UBR1: variants seen among roughly 807,000 people sequenced by gnomAD.
The protein encoded by UBR1 is E3 ubiquitin-protein ligase UBR1.
Under a neutral mutation model 242.1 loss-of-function variants are expected in UBR1, and 102 were observed. The ratio of observed to expected loss-of-function variants is 0.42; its 90% confidence interval spans 0.36 to 0.50. UBR1 has a LOEUF of 0.50. Among genes scored for constraint, UBR1 ranks in the 20% least tolerant of loss-of-function variants. The pLI, the probability that UBR1 is intolerant of heterozygous loss-of-function variation, is 0.01. For missense variants in UBR1, 1,772 were observed against 2,101.8 expected (o/e 0.84, Z 3.07); for synonymous variants, 675 against 684.8 (o/e 0.99, Z 0.22).
chr15:43,007,229 A>G lies in UBR1; in HGVS notation c.3265T>C (p.Ser1089Pro), dbSNP rs761442343. ...RIALGPKRGPSVTEKEVLTCI... is the reference protein window; with the variant it reads ...RIALGPKRGPPVTEKEVLTCI... Reference sequence around the variant, plus strand: ...GTCAGCACCTCCTTTTCAGTAACAGATGGACCCCGTTTAGGACCCAAAGCA... The same window carrying G: ...GTCAGCACCTCCTTTTCAGTAACAGGTGGACCCCGTTTAGGACCCAAAGCA... The change falls in exon 30 of 47, where the codon TCT (serine) becomes CCT (proline). Residue 1089 changes from serine (S) to proline (P), a missense_variant. Ser to Pro is a moderately conservative substitution (Grantham distance 74). This residue lies in a region of UBR1 where 965 missense variants were observed against 1,079.7 expected (regional missense o/e 0.89). Transcript: ENST00000290650. 7 of 1,614,104 alleles carry G rather than the reference A, an allele frequency of 4.3e-6. No individual in the cohort carries two copies. The East Asian group carries it at 1.3e-4, about 31-fold the overall frequency.
chr15:42,953,017 C>T (rs973887601), intron 44 of UBR1, among the ~76,000 whole-genome samples: 8 of 151,856 alleles, frequency 5.3e-5, no homozygotes, highest in South Asian at 2.1e-4. Context: ...TCGGCCTCCC[C>T]GGTCCAAGCA....
chr15:43,066,554 G>A (rs192445920), intron 6 of UBR1, among the ~76,000 whole-genome samples: 5 of 152,320 alleles, frequency 3.3e-5, no homozygotes, highest in Admixed American at 2.6e-4. Flanking sequence ...ACTTTGGGCA[G>A]TATGGTCGTT....
At chr15:43,013,987 T>G (rs1036810337) in intron 29 of UBR1, among the ~76,000 whole-genome samples, 20 of 152,130 alleles carry the variant, frequency 1.3e-4, no homozygotes, top group African/African-American at 4.6e-4. Context: ...CCCCGCCTGA[T>G]TCTCCTGCCT....
At position 43,086,061 on chromosome 15, in the gene UBR1, T is replaced by A. The variant is rs752458307; in HGVS notation, c.261A>T (p.Leu87Phe). 1 of 1,614,180 alleles carries A rather than the reference T, an allele frequency of 6.2e-7. No homozygotes were observed. The highest frequency in any genetic ancestry group is 8.5e-7 in the Non-Finnish European group (1 of 1,180,026). Residue 87 changes from leucine to phenylalanine, a missense_variant, in exon 2 of 47, where the codon TTA becomes TTT. Coordinates refer to ENST00000290650, the MANE Select transcript of UBR1 (RefSeq NM_174916.3). ...ATGCTCCACTGTGCTTCAATTTCTCTAAGCAAATATCTGGATCTTCTCCAA... is the reference window on the plus strand; with the variant it reads ...ATGCTCCACTGTGCTTCAATTTCTCAAAGCAAATATCTGGATCTTCTCCAA... ...YLFGEDPDIC[L>F]EKLKHSGAFQ...
At chr15:43,029,167 T>C (rs1048269982) in intron 21 of UBR1, among the ~76,000 whole-genome samples, 6 of 150,728 alleles carry the variant, frequency 4.0e-5, no homozygotes, top group African/African-American at 1.5e-4. Context: ...TGGAAAGCCT[T>C]GACAGCACAA....
chr15:43,080,961 C>T (rs527341423), intron 3 of UBR1, among the ~76,000 whole-genome samples: 162 of 151,932 alleles, frequency 1.1e-3, no homozygotes, highest in Non-Finnish European at 1.5e-3. Context: ...AAAAAAAAAA[C>T]ATTTCGTGTG....
At chr15:42,984,036 T>G in intron 36 of UBR1, 43 bp from the exon 37 acceptor site, 4 of 1,508,500 alleles carry the variant, frequency 2.7e-6, no homozygotes, top group Non-Finnish European at 3.7e-6. Context: ...TGAGGGAAGA[T>G]GAGAGACCTA....
intron 6 of UBR1, among the ~76,000 whole-genome samples, chr15:43,061,531 A>G (rs2141339070): frequency 6.6e-6 from 1 of 150,526 alleles, no homozygotes; most frequent in South Asian, 2.1e-4. Flanking sequence ...ACACACACAC[A>G]CATATACACA....
chr15:43,053,190 T>C (rs2033576784), intron 12 of UBR1, among the ~76,000 whole-genome samples: 1 of 152,164 alleles, frequency 6.6e-6, no homozygotes, highest in Admixed American at 6.5e-5. Flanking sequence ...TCAGAAGATT[T>C]AAAGTTGCCT....
At chr15:43,046,366 G>C (rs1398503397) in intron 14 of UBR1, among the ~76,000 whole-genome samples, 1 of 152,196 alleles carries the variant, frequency 6.6e-6, no homozygotes, top group East Asian at 1.9e-4. Context: ...GGGGTGCAAA[G>C]GCAAGAAAGG....
chr15:43,007,565 T>G (rs1331204255), intron 29 of UBR1, among the ~76,000 whole-genome samples: 1 of 138,624 alleles, frequency 7.2e-6, no homozygotes, highest in African/African-American at 2.5e-5. Flanking sequence ...AAGCTGGGCT[T>G]TTTTTTTTTT....
chr15:43,029,633 C>T (rs1306401396), intron 21 of UBR1, among the ~76,000 whole-genome samples: 1 of 152,164 alleles, frequency 6.6e-6, no homozygotes, highest in Non-Finnish European at 1.5e-5. Flanking sequence ...TAATAAAAAT[C>T]TTAATGTTTT....
chr15:43,045,354 C>G lies in UBR1; in HGVS notation c.1668+1807G>C, dbSNP rs561398351. Among the ~76,000 whole-genome samples the G allele has an allele frequency of 6.6e-5, 10 of 152,156 alleles. No individual in the cohort carries two copies. The East Asian group carries it at 1.9e-3, about 29-fold the overall frequency. ...TGGTGGCATGTGCCTGTAGTCCCAG[C>G]GACTTTGGAGGCTAAGGTGGGAGGA... On this transcript the variant is annotated intron_variant, in intron 14 of 46. Coordinates refer to ENST00000290650, the MANE Select transcript of UBR1 (RefSeq NM_174916.3).
At chr15:43,081,156 C>T (rs1442503228) in intron 3 of UBR1, among the ~76,000 whole-genome samples, 3 of 152,136 alleles carry the variant, frequency 2.0e-5, no homozygotes, top group East Asian at 1.9e-4. Context: ...CGGTGGCTCA[C>T]GCCTGTAATC....
chr15:43,047,343 T>C, intron 13 of UBR1, 54 bp from the exon 14 acceptor site: 1 of 1,613,000 alleles, frequency 6.2e-7, no homozygotes, highest in South Asian at 1.1e-5. Flanking sequence ...CTCTTTGCTC[T>C]GCTCTTGGCA....
intron 37 of UBR1, among the ~76,000 whole-genome samples, chr15:42,982,793 A>G (rs1275346593): frequency 6.6e-6 from 1 of 152,242 alleles, no homozygotes; most frequent in Non-Finnish European, 1.5e-5. Flanking sequence ...TTTAAAGCGT[A>G]AAAAATCTGA....
chr15:43,031,242 T>C (rs2033252885), intron 20 of UBR1, among the ~76,000 whole-genome samples: 2 of 149,700 alleles, frequency 1.3e-5, no homozygotes, highest in African/African-American at 4.9e-5. Context: ...AAGTATTAAC[T>C]AAAAATCAAA....
At chr15:42,961,207 TGTTCCA>T (rs1255023644) in intron 42 of UBR1, among the ~76,000 whole-genome samples, 2 of 149,708 alleles carry the variant, frequency 1.3e-5, no homozygotes, top group African/African-American at 4.9e-5. Context: ...CCATCTCCCG[TGTTCCA>T]GTGATTCTCC....
At chr15:43,029,834 T>A in intron 21 of UBR1, 110 bp downstream of exon 21, 1 of 1,247,928 alleles carries the variant, frequency 8.0e-7, no homozygotes, top group Non-Finnish European at 1.2e-6. Context: ...ATCTATAAGG[T>A]AATGATATAG....
Sources: gnomAD v4.1 joint callset for allele counts (sites outside exome capture counted in the v4.1 genomes callset) on GRCh38, gnomAD v4.1.1 for gene constraint, gnomAD v4.1.1 regional missense constraint, MANE v1.5 for transcripts, NCBI Gene and HGNC (gene_info 2026-07-23, HGNC 2026-07-21) for gene names.